The following SUGCT variants were observed in gnomAD, a reference collection of about 807,000 sequenced individuals.
The protein encoded by SUGCT is succinyl-CoA:glutarate CoA-transferase.
Under a neutral mutation model 55.0 loss-of-function variants are expected in SUGCT, and 41 were observed. The observed-to-expected ratio is 0.74, with a 90% CI of 0.58 to 0.97. SUGCT has a LOEUF of 0.97. Among genes scored for constraint, SUGCT ranks in the 50% least tolerant of loss-of-function variants. The pLI, the probability that SUGCT is intolerant of heterozygous loss-of-function variation, is 0.00. For missense variants in SUGCT, 568 were observed against 547.8 expected (o/e 1.04, Z -0.37); for synonymous variants, 187 against 200.4 (o/e 0.93, Z 0.56).
chr7:40,934,720 G>T, the SUGCT span, among the ~76,000 whole-genome samples: 1 of 152,204 alleles, frequency 6.6e-6, no homozygotes, highest in Non-Finnish European at 1.5e-5. Context: ...AGTGAGCAAG[G>T]CTCCATGGGT....
At chr7:40,694,346 G>A (rs1435355482) in intron 12 of SUGCT, among the ~76,000 whole-genome samples, 1 of 152,186 alleles carries the variant, frequency 6.6e-6, no homozygotes, top group African/African-American at 2.4e-5. Context: ...AAAACCCTGA[G>A]GAGAGGAACT....
intron 12 of SUGCT, among the ~76,000 whole-genome samples, chr7:40,715,741 C>T (rs1343480488): frequency 6.6e-6 from 1 of 152,164 alleles, no homozygotes; most frequent in Admixed American, 6.5e-5. Context: ...TGACATCCTC[C>T]CTCACATCTC....
chr7:40,972,527 A>C, the SUGCT span, among the ~76,000 whole-genome samples: 1 of 152,180 alleles, frequency 6.6e-6, no homozygotes, highest in Non-Finnish European at 1.5e-5. Flanking sequence ...GACACTTTGC[A>C]CACAGTGGGT....
chr7:40,226,982 T>G (rs1788408585), intron 6 of SUGCT, among the ~76,000 whole-genome samples: 1 of 151,210 alleles, frequency 6.6e-6, no homozygotes, highest in Non-Finnish European at 1.5e-5. Flanking sequence ...AATAATTTTT[T>G]TAACATCTTA....
At chr7:40,742,722 T>C (rs755590970) in intron 12 of SUGCT, among the ~76,000 whole-genome samples, 4 of 152,216 alleles carry the variant, frequency 2.6e-5, no homozygotes, top group Non-Finnish European at 5.9e-5. Flanking sequence ...TTCATGTCAA[T>C]TTGTTGTCAG....
intron 12 of SUGCT, among the ~76,000 whole-genome samples, chr7:40,592,198 A>T (rs1388996391): frequency 1.3e-5 from 2 of 152,238 alleles, no homozygotes; most frequent in Non-Finnish European, 2.9e-5. Flanking sequence ...TTTCACCCTC[A>T]GGAATTGCTA....
At chr7:40,525,378 A>T (rs1793744506) in intron 12 of SUGCT, among the ~76,000 whole-genome samples, 4 of 152,180 alleles carry the variant, frequency 2.6e-5, no homozygotes, top group Admixed American at 2.6e-4. Flanking sequence ...GTTTATATTT[A>T]TGTCTTAGGA....
chr7:40,525,711 A>G (rs1403992390), intron 12 of SUGCT, among the ~76,000 whole-genome samples: 1 of 152,228 alleles, frequency 6.6e-6, no homozygotes, highest in Non-Finnish European at 1.5e-5. Context: ...ATAGAGTTAT[A>G]GAACTAAATA....
At chr7:40,684,451 A>G (rs1001215563) in intron 12 of SUGCT, among the ~76,000 whole-genome samples, 3 of 152,208 alleles carry the variant, frequency 2.0e-5, no homozygotes, top group South Asian at 4.1e-4. Flanking sequence ...ATTCATACAT[A>G]TGGTTTGAAG....
chr7:40,523,050 CA>C (rs1793626370), intron 12 of SUGCT, among the ~76,000 whole-genome samples: 1 of 151,948 alleles, frequency 6.6e-6, no homozygotes, highest in South Asian at 2.1e-4. Context: ...ATATTATTAA[CA>C]GGTAATTTTA....
At chr7:40,971,812 C>T in the SUGCT span, among the ~76,000 whole-genome samples, 2 of 152,158 alleles carry the variant, frequency 1.3e-5, no homozygotes, top group African/African-American at 4.8e-5. Flanking sequence ...CTTTTGTTTG[C>T]AGCTCCCTCT....
At chr7:40,229,296 A>C (rs936434220) in intron 6 of SUGCT, among the ~76,000 whole-genome samples, 24 of 152,204 alleles carry the variant, frequency 1.6e-4, no homozygotes, top group African/African-American at 4.8e-4. Context: ...AGGCGGGTGG[A>C]TCACCTGAGG....
At chr7:40,711,374 G>A (rs1036025935) in intron 12 of SUGCT, among the ~76,000 whole-genome samples, 1 of 152,062 alleles carries the variant, frequency 6.6e-6, no homozygotes, top group African/African-American at 2.4e-5. Flanking sequence ...GGTGGGCATG[G>A]TGGCGCACAC....
At chr7:40,344,165 T>G (rs1050714212) in intron 9 of SUGCT, among the ~76,000 whole-genome samples, 3 of 152,244 alleles carry the variant, frequency 2.0e-5, no homozygotes, top group Non-Finnish European at 2.9e-5. Context: ...AATTGGCAGC[T>G]TAGGATGTGT....
chr7:40,163,092 GTT>G (rs1326724029), intron 1 of SUGCT, among the ~76,000 whole-genome samples: 2 of 152,198 alleles, frequency 1.3e-5, no homozygotes, highest in East Asian at 3.8e-4. Context: ...AAAGGTCAGA[GTT>G]GGAAATGGCT....
the SUGCT span, among the ~76,000 whole-genome samples, chr7:40,937,914 C>G: frequency 6.6e-6 from 1 of 152,204 alleles, no homozygotes; most frequent in Non-Finnish European, 1.5e-5. Flanking sequence ...TGAAACTATT[C>G]CACCTCAGAT....
chr7:40,605,261 G>A (rs767353918), intron 12 of SUGCT, among the ~76,000 whole-genome samples: 2 of 152,250 alleles, frequency 1.3e-5, no homozygotes, highest in Non-Finnish European at 1.5e-5. Context: ...TCCTTTCATC[G>A]TGGAATGGGG....
At chr7:40,251,952 G>T (rs1304548012) in intron 7 of SUGCT, among the ~76,000 whole-genome samples, 1 of 151,376 alleles carries the variant, frequency 6.6e-6, no homozygotes, top group Non-Finnish European at 1.5e-5. Flanking sequence ...AAAAAACAAA[G>T]AAATAAATAG....
chr7:40,594,010 T>A (rs922557248), intron 12 of SUGCT, among the ~76,000 whole-genome samples: 40 of 152,026 alleles, frequency 2.6e-4, no homozygotes, highest in East Asian at 1.4e-3. Context: ...AAAGGATGAG[T>A]TCATGTCCTT....
Sources: gnomAD v4.1 joint callset for allele counts (sites outside exome capture counted in the v4.1 genomes callset) on GRCh38, gnomAD v4.1.1 for gene constraint, MANE v1.5 for transcripts, NCBI Gene and HGNC (gene_info 2026-07-23, HGNC 2026-07-21) for gene names.